RAB44: variants seen among roughly 807,000 people sequenced by gnomAD.
RAB44 encodes RAB44, member RAS oncogene family, also known as ras-related protein Rab-44.
Under a neutral mutation model 93.3 loss-of-function variants are expected in RAB44, and 67 were observed. That is an observed-to-expected ratio of 0.72 (90% CI 0.59 to 0.88). The LOEUF (loss-of-function observed/expected upper bound fraction) is 0.88, where lower values mean the gene tolerates loss of function less well. Ranked by LOEUF, RAB44 falls within the 40% of genes least tolerant of loss-of-function variation. The pLI, the probability that RAB44 is intolerant of heterozygous loss-of-function variation, is 0.00. For missense variants in RAB44, 1,064 were observed against 1,261.7 expected (o/e 0.84, Z 2.37); for synonymous variants, 427 against 520.3 (o/e 0.82, Z 2.44).
At chr6:36,729,468 T>A (rs1188776005) in intron 12 of RAB44, among the ~76,000 whole-genome samples, 1 of 151,918 alleles carries the variant, frequency 6.6e-6, no homozygotes, top group African/African-American at 2.4e-5. Context: ...GAAGGGAATT[T>A]TTTTTCTTTC....
At chr6:36,715,965 G>A (rs1289701264) in intron 4 of RAB44, among the ~76,000 whole-genome samples, 1 of 152,222 alleles carries the variant, frequency 6.6e-6, no homozygotes, top group East Asian at 1.9e-4. Context: ...TCTCCAGGAG[G>A]ACTAGCGATT....
chr6:36,717,738 G>T lies in RAB44; in HGVS notation c.642-290G>T, dbSNP rs1762959173. On this transcript the variant is annotated intron_variant, in intron 5 of 13. Transcript: ENST00000612677. The surrounding 1 kb of genome is among the most constrained non-coding windows in gnomAD (Gnocchi z 4.1). Reference sequence around the variant, plus strand: ...AAGGGCAGGAGGACGGTGAAAGAGGGAGTGGGGACTGAGTGATGGGGTGAT... The same window carrying T: ...AAGGGCAGGAGGACGGTGAAAGAGGTAGTGGGGACTGAGTGATGGGGTGAT... Among the ~76,000 whole-genome samples, 1 of 54,124 alleles carries T rather than the reference G, an allele frequency of 1.8e-5. No homozygotes were observed. Among genetic ancestry groups the T allele is most frequent in the Non-Finnish European group, 6.2e-5 (1 of 16,170 alleles). 35.5% of individuals were successfully genotyped at this position (54,124 alleles called of 152,430 possible).
rs1192771481 is a variant in RAB44 at position 36,721,982 on chromosome 6, G to A, written c.1848G>A (p.Glu616=). Residue 616 remains glutamate (E), a synonymous_variant, in exon 9 of 14, where the codon GAG becomes GAA. Coordinates refer to ENST00000612677, the MANE Select transcript of RAB44 (RefSeq NM_001257357.2). ...GAGCCCTCACCCTGGGGCCAGCTGA[G>A]CCCTTCCAGGGCCTGGAATTTGTGG... ...RARALTLGPA[E]PFQGLEFVGP... The A allele has an allele frequency of 3.2e-6, 4 of 1,234,496 alleles. No homozygotes were observed. In the African/African-American group the frequency reaches 6.2e-5, roughly 19 times the overall value. 76.5% of individuals were successfully genotyped at this position (1,234,496 alleles called of 1,614,324 possible). A position where few individuals can be genotyped will look rare whatever the true frequency, so the allele number is the denominator to read the frequency against.
At chr6:36,720,963 A>C (rs1660546447) in intron 8 of RAB44, among the ~76,000 whole-genome samples, 188 bp from the exon 9 acceptor site, 1 of 152,150 alleles carries the variant, frequency 6.6e-6, no homozygotes, top group African/African-American at 2.4e-5. Context: ...GTGGGTCTTG[A>C]GGATGGACAG....
At chr6:36,699,037 A>G (rs567854369) in intron 1 of RAB44, among the ~76,000 whole-genome samples, 15 of 152,220 alleles carry the variant, frequency 9.9e-5, no homozygotes, top group African/African-American at 3.6e-4. Context: ...GGGTGAGTGC[A>G]CCATCCCACC....
intron 1 of RAB44, among the ~76,000 whole-genome samples, chr6:36,699,120 C>T (rs920356839): frequency 1.3e-5 from 2 of 152,126 alleles, no homozygotes. Flanking sequence ...CCCCAGGCCA[C>T]CTGTCAGGCA....
rs560024244 is a variant in RAB44, at chr6:36,722,710, C to T, written c.2576C>T (p.Ala859Val). ...CACCTGCTGCACCAGAATTCTTTCG[C>T]CACCGGATTGACAGCTACCGTGGGT... Reference protein sequence around the residue: ...FLHLLHQNSFATGLTATVGVD... With the variant: ...FLHLLHQNSFVTGLTATVGVD... The change falls in exon 9 of 14, where the codon GCC (alanine) becomes GTC (valine). Residue 859 changes from alanine to valine, a missense_variant. Transcript: ENST00000612677. 45 of 1,550,638 alleles carry T rather than the reference C, an allele frequency of 2.9e-5. No homozygotes were observed. The South Asian group carries it at 5.4e-4, about 18-fold the overall frequency.
intron 10 of RAB44, 131 bp downstream of exon 10, chr6:36,726,074 G>A: frequency 1.4e-6 from 1 of 705,348 alleles, no homozygotes; most frequent in Non-Finnish European, 2.5e-6. Flanking sequence ...CAGGGAAGGA[G>A]AGATGAGTCA....
intron 2 of RAB44, among the ~76,000 whole-genome samples, chr6:36,707,523 A>C (rs550014189): frequency 6.6e-6 from 1 of 152,106 alleles, no homozygotes; most frequent in Non-Finnish European, 1.5e-5. Flanking sequence ...CTGTTCAATC[A>C]ACACCATGTA....
In RAB44 at chr6:36,704,358, C is replaced by G. The variant is rs773172231; in HGVS notation, c.123C>G (p.Ser41=). ...AAVAPEPESW[S]SQAAAELQAF... ...TGGCCCCAGAGCCAGAGTCTTGGTC[C>G]TCTCAGGCAGCGGCAGAACTGCAGG... is the stretch of plus-strand genomic sequence containing the variant. The change falls in exon 2 of 14, where the codon TCC becomes TCG. Residue 41 remains serine (S), a synonymous_variant. Coordinates refer to ENST00000612677, the MANE Select transcript of RAB44 (RefSeq NM_001257357.2). 1 of 1,536,118 alleles carries G rather than the reference C, an allele frequency of 6.5e-7. No homozygotes were observed. Among genetic ancestry groups the G allele is most frequent in the Non-Finnish European group, 8.7e-7 (1 of 1,146,892 alleles).
At position 36,721,054 on chromosome 6, in the gene RAB44, A is replaced by C. The variant is rs529634368; in HGVS notation, c.1017-97A>C. 3.5e-6 allele frequency: 4 copies of C among 1,139,464 alleles called. No homozygotes were observed. In the South Asian group the frequency reaches 1.8e-4, roughly 52 times the overall value. The allele number at this position is 1,139,464 out of a possible 1,614,324, so 70.6% of individuals were successfully genotyped here. On this transcript the variant is annotated intron_variant, in intron 8 of 13. Transcript: ENST00000612677. The stretch of plus-strand genomic sequence containing the variant: ...GCAAGGACTGGGAGGAGACCTGGCC[A>C]TGGGGAGAGCAAGGGATGGTGAGGG...
chr6:36,721,617 G>C lies in RAB44; in HGVS notation c.1483G>C (p.Val495Leu). 1 of 1,234,562 alleles carries C rather than the reference G, an allele frequency of 8.1e-7. No homozygotes were observed. The highest frequency in any genetic ancestry group is 1.0e-6 in the Non-Finnish European group (1 of 988,366). The allele number at this position is 1,234,562 out of a possible 1,614,324, so 76.5% of individuals were successfully genotyped here. The change falls in exon 9 of 14, where the codon GTG becomes CTG. Residue 495 changes from valine to leucine, a missense_variant. Coordinates refer to ENST00000612677, the MANE Select transcript of RAB44 (RefSeq NM_001257357.2). Reference sequence around the variant, plus strand: ...AAGCCTGGTGGCACCTGCATTCAAAGTGCTCATTCCTTTGGAGGATGGGCC... The same window carrying C: ...AAGCCTGGTGGCACCTGCATTCAAACTGCTCATTCCTTTGGAGGATGGGCC... ...SGSLVAPAFK[V>L]LIPLEDGPPP...
intron 12 of RAB44, 148 bp from the exon 13 acceptor site, chr6:36,730,525 C>T (rs1763335227): frequency 2.3e-6 from 1 of 439,776 alleles, no homozygotes; most frequent in Non-Finnish European, 3.8e-6. Context: ...CCGTGGCCCA[C>T]GCTGAGATGG....
In RAB44 at chr6:36,718,105, A is replaced by G; in HGVS notation, c.719A>G (p.Gln240Arg). ...CAGCAGATCCGCCAGGAGAAGCAGC[A>G]GCTGCAGGCTGAGGTGGGCTCCCGC... ...MEQQIRQEKQ[Q>R]LQAESDSRGL... is the part of the protein sequence containing the mutation. The change falls in exon 6 of 14, where the codon CAG becomes CGG. Residue 240 changes from glutamine (Q) to arginine (R), a missense_variant. By Grantham distance (43) the Gln-to-Arg change is conservative (BLOSUM62 1). Coordinates refer to ENST00000612677, the MANE Select transcript of RAB44 (RefSeq NM_001257357.2). The G allele has an allele frequency of 1.6e-6, 2 of 1,232,390 alleles. No homozygotes were observed. Among genetic ancestry groups the G allele is most frequent in the Non-Finnish European group, 2.0e-6 (2 of 988,174 alleles). The allele number at this position is 1,232,390 out of a possible 1,614,324, so 76.3% of individuals were successfully genotyped here. A position where few individuals can be genotyped will look rare whatever the true frequency, so the allele number is the denominator to read the frequency against.
Position 36,718,496 on chromosome 6 carries a change from G to A in RAB44, c.736G>A (p.Asp246Asn), listed in dbSNP as rs1762984109. ...QEKQQLQAES[D>N]SRGLALTSQM... Reference sequence around the variant, plus strand: ...GCTGAATCTACCTACTCCACAGAGCGACTCTCGGGGCCTGGCCCTCACCTC... The same window carrying A: ...GCTGAATCTACCTACTCCACAGAGCAACTCTCGGGGCCTGGCCCTCACCTC... Residue 246 changes from aspartate to asparagine, a missense_variant, in exon 7 of 14, where the codon GAC becomes AAC. By Grantham distance (23) the Asp-to-Asn change is conservative (BLOSUM62 1). Coordinates refer to ENST00000612677, the MANE Select transcript of RAB44 (RefSeq NM_001257357.2). The A allele has an allele frequency of 3.2e-6, 4 of 1,231,310 alleles. No individual in the cohort carries two copies. Among genetic ancestry groups the A allele is most frequent in the Admixed American group, 8.4e-5 (2 of 23,722 alleles). 76.3% of individuals were successfully genotyped at this position (1,231,310 alleles called of 1,614,324 possible). A position where few individuals can be genotyped will look rare whatever the true frequency, so the allele number is the denominator to read the frequency against.
intron 2 of RAB44, 107 bp downstream of exon 2, chr6:36,704,549 C>G: frequency 9.7e-7 from 1 of 1,031,940 alleles, no homozygotes; most frequent in Non-Finnish European, 1.4e-6. Context: ...GCCCCTTTCT[C>G]TCATTTAGAG....
intron 2 of RAB44, among the ~76,000 whole-genome samples, chr6:36,712,136 C>T (rs1404169209): frequency 1.3e-5 from 2 of 151,774 alleles, no homozygotes; most frequent in African/African-American, 4.8e-5. Flanking sequence ...AACCCCATCT[C>T]TACTAAAAAT....
At chr6:36,726,509 C>A (rs974664158) in intron 10 of RAB44, among the ~76,000 whole-genome samples, 4 of 152,182 alleles carry the variant, frequency 2.6e-5, no homozygotes, top group Non-Finnish European at 5.9e-5. Context: ...TCCCAAAGTG[C>A]TGGGATTACA....
intron 2 of RAB44, among the ~76,000 whole-genome samples, chr6:36,713,571 A>G (rs1762838537): frequency 6.6e-6 from 1 of 152,186 alleles, no homozygotes; most frequent in Non-Finnish European, 1.5e-5. Flanking sequence ...TCCTAAAGAC[A>G]TGGGACTTAG....
Sources: allele counts gnomAD v4.1 joint callset (sites outside exome capture counted in the v4.1 genomes callset), GRCh38; gene constraint gnomAD v4.1.1; non-coding constraint Gnocchi (gnomAD v3.1); transcripts MANE v1.5; gene names NCBI Gene and HGNC (gene_info 2026-07-23, HGNC 2026-07-21).